The following LPA variants were observed in gnomAD, a reference collection of about 807,000 sequenced individuals.
LPA encodes lipoprotein(a).
In LPA, 199 loss-of-function variants were observed where a neutral mutation model predicts 197.9. The observed-to-expected ratio is 1.01, with a 90% CI of 0.90 to 1.13. LPA has a LOEUF of 1.13. LPA is among the 50% of genes most tolerant of loss of function. LPA has a pLI of 0.00. For synonymous variants in LPA, 715 were observed against 639.5 expected (o/e 1.12, Z -1.78); for missense variants, 1,853 against 1,785.8 (o/e 1.04, Z -0.68).
chr6:160,613,319 T>C (rs1779553246), intron 14 of LPA, among the ~76,000 whole-genome samples: 2 of 97,200 alleles, frequency 2.1e-5, no homozygotes, highest in South Asian at 3.0e-4. Flanking sequence ...ATTATTACTA[T>C]TTTTTTTAAA....
In LPA at chr6:160,577,222, G is replaced by A; in HGVS notation, c.4545C>T (p.Ser1515=). ...GACAGGTCCTTCCTGTGACAGTGGT[G>A]GAGGATATGCCTCGATAACTCCGTC... The part of the protein sequence containing the change: ...GDGRSYRGIS[S]TTVTGRTCQS... Residue 1515 remains serine, a synonymous_variant, in exon 28 of 39, where the codon TCC becomes TCT. Transcript: ENST00000316300. 1 of 1,613,880 alleles carries A rather than the reference G, an allele frequency of 6.2e-7. No homozygotes were observed. The highest frequency in any genetic ancestry group is 8.5e-7 in the Non-Finnish European group (1 of 1,179,848).
At chr6:160,532,889 T>G (rs998053484) in intron 37 of LPA, among the ~76,000 whole-genome samples, 4 of 152,174 alleles carry the variant, frequency 2.6e-5, no homozygotes, top group African/African-American at 9.7e-5. Context: ...TTGGGGTTGG[T>G]TGTTGTTTGT....
chr6:160,584,977 T>C, intron 26 of LPA, 69 bp downstream of exon 26: 1 of 1,526,792 alleles, frequency 6.5e-7, no homozygotes, highest in Non-Finnish European at 9.1e-7. Flanking sequence ...AGTGAGCTTG[T>C]AGCATGGGCC....
chr6:160,584,237 T>TTCTTCC (rs1554235539), intron 26 of LPA, among the ~76,000 whole-genome samples: 759 of 68,964 alleles, frequency 0.011, 13 homozygotes, highest in South Asian at 0.016. Flanking sequence ...CTTCTTCTTC[T>TTCTTCC]TCCTCCTCCT....
chr6:160,548,398 G>A, intron 31 of LPA, 80 bp downstream of exon 31: 1 of 1,426,624 alleles, frequency 7.0e-7, no homozygotes, highest in Non-Finnish European at 9.8e-7. Context: ...GCATCAGTGT[G>A]GTTTTTCATG....
chr6:160,581,579 G>A (rs1463205104), intron 26 of LPA, among the ~76,000 whole-genome samples: 1 of 152,170 alleles, frequency 6.6e-6, no homozygotes, highest in African/African-American at 2.4e-5. Context: ...TAGGATTACA[G>A]CCAAGCGTCC....
At chr6:160,609,825 G>A (rs1779448727) in intron 16 of LPA, among the ~76,000 whole-genome samples, 1 of 151,858 alleles carries the variant, frequency 6.6e-6, no homozygotes, top group Non-Finnish European at 1.5e-5. Flanking sequence ...GTGTATGGGT[G>A]TGTTTTGAAT....
At chr6:160,537,777 A>G in intron 37 of LPA, 78 bp downstream of exon 37, 1 of 1,330,682 alleles carries the variant, frequency 7.5e-7, no homozygotes. Context: ...TTGTACAACT[A>G]TCTCCAAAAT....
At chr6:160,561,257 A>G (rs12665784) in intron 28 of LPA, among the ~76,000 whole-genome samples, 28,310 of 152,122 alleles carry the variant, frequency 0.19, 3,125 homozygotes, top group East Asian at 0.4. Flanking sequence ...GGTGTAAGGA[A>G]GGGATCCAGT....
Position 160,585,147 on chromosome 6 carries a change from A to G in LPA, c.4188T>C (p.Tyr1396=), listed in dbSNP as rs1274488666. Residue 1396 remains tyrosine, a synonymous_variant, in exon 26 of 39, where the codon TAT becomes TAC. Transcript: ENST00000316300. The part of the protein sequence containing the change: ...QDCYRGDGQS[Y]RGTLSTTITG... ...TGATAGTGGTGGAGAGTGTGCCTCG[A>G]TAACTCTGTCCATCACCTCGGTAGC... 1 of 1,613,872 alleles carries G rather than the reference A, an allele frequency of 6.2e-7. No homozygotes were observed. The highest frequency in any genetic ancestry group is 1.1e-5 in the South Asian group (1 of 91,076).
At chr6:160,533,964 A>G (rs191792965) in intron 37 of LPA, among the ~76,000 whole-genome samples, 50 of 152,346 alleles carry the variant, frequency 3.3e-4, no homozygotes, top group African/African-American at 1.2e-3. Context: ...CAAGTTTCCA[A>G]TGTTGCAAGC....
chr6:160,552,248 C>G (rs1169940299), intron 30 of LPA, among the ~76,000 whole-genome samples: 3 of 152,062 alleles, frequency 2.0e-5, no homozygotes, highest in Non-Finnish European at 4.4e-5. Context: ...TTTTATAAGT[C>G]TTTATATTAA....
intron 17 of LPA, among the ~76,000 whole-genome samples, chr6:160,605,979 G>T (rs1178877259): frequency 1.3e-5 from 2 of 152,150 alleles, no homozygotes; most frequent in African/African-American, 4.8e-5. Context: ...TAGATCATTG[G>T]GAGTTCATGT....
chr6:160,557,519 A>G lies in LPA; in HGVS notation c.4684T>C (p.Cys1562Arg), dbSNP rs769282211. 2.5e-6 allele frequency: 4 copies of G among 1,613,816 alleles called. No homozygotes were observed. The East Asian group carries it at 8.9e-5, about 36-fold the overall frequency. Residue 1562 changes from cysteine to arginine, a missense_variant, in exon 29 of 39, where the codon TGT (cysteine) becomes CGT (arginine). Around this residue, in one of 3 missense-constraint regions of LPA, gnomAD observed 1,737 missense variants for 1,504.4 expected, o/e 1.15. Coordinates refer to ENST00000316300, the MANE Select transcript of LPA (RefSeq NM_005577.4). ...RNPDSGKQPW[C>R]YTTDPCVRWE... Reference sequence around the variant, plus strand: ...CTCACACACGGATCGGTTGTGTAACACCAGGGTTGTTTCCCAGAATCTGGA... The same window carrying G: ...CTCACACACGGATCGGTTGTGTAACGCCAGGGTTGTTTCCCAGAATCTGGA...
In LPA at chr6:160,569,520, A is replaced by G. The variant is rs538647746; in HGVS notation, c.4631+7616T>C. 2.3e-3 allele frequency among the ~76,000 whole-genome samples: 347 copies of G among 152,364 alleles called. 1 individual carries two copies. The highest frequency in any genetic ancestry group is 7.9e-3 in the African/African-American group (327 of 41,594). On this transcript the variant is annotated intron_variant, in intron 28 of 38. Coordinates refer to ENST00000316300, the MANE Select transcript of LPA (RefSeq NM_005577.4). ...AGACTTAAATGTTAGACCTAAAACCATATAAACCCTAGAAGAAAACCTAAG... is the reference window on the plus strand; with the variant it reads ...AGACTTAAATGTTAGACCTAAAACCGTATAAACCCTAGAAGAAAACCTAAG...
At chr6:160,537,778 T>C in intron 37 of LPA, 77 bp downstream of exon 37, 1 of 1,339,188 alleles carries the variant, frequency 7.5e-7, no homozygotes, top group Non-Finnish European at 1.1e-6. Context: ...TGTACAACTA[T>C]CTCCAAAATG....
intron 16 of LPA, among the ~76,000 whole-genome samples, chr6:160,607,561 G>A (rs1376668804): frequency 2.6e-5 from 4 of 152,236 alleles, no homozygotes; most frequent in Admixed American, 2.0e-4. Flanking sequence ...TTTGGGCTGC[G>A]GGGATCTTGA....
chr6:160,610,693 G>C (rs1007754217), intron 16 of LPA, among the ~76,000 whole-genome samples: 7 of 152,108 alleles, frequency 4.6e-5, no homozygotes, highest in East Asian at 1.9e-4. Context: ...GAAAATACCA[G>C]AGTCATCCCA....
At chr6:160,535,903 T>G (rs1004592699) in intron 37 of LPA, among the ~76,000 whole-genome samples, 1 of 152,194 alleles carries the variant, frequency 6.6e-6, no homozygotes, top group Non-Finnish European at 1.5e-5. Context: ...TGAGGTATCA[T>G]AGAGGCTCTG....
Sources: gnomAD v4.1 joint callset for allele counts (sites outside exome capture counted in the v4.1 genomes callset) on GRCh38, gnomAD v4.1.1 for gene constraint, gnomAD v4.1.1 regional missense constraint, MANE v1.5 for transcripts, NCBI Gene and HGNC (gene_info 2026-07-23, HGNC 2026-07-21) for gene names.